The following CABIN1 variants were observed in gnomAD, a reference collection of about 807,000 sequenced individuals.
CABIN1 encodes calcineurin-binding protein cabin-1.
A neutral mutation model predicts 227.7 loss-of-function variants in CABIN1; 133 were observed. The ratio of observed to expected loss-of-function variants is 0.58; its 90% CI spans 0.51 to 0.67. The LOEUF is 0.67. CABIN1 is among the 30% of genes least tolerant of loss of function. The pLI, the probability that CABIN1 is intolerant of heterozygous loss-of-function variation, is 0.00. For synonymous variants in CABIN1, 1,086 were observed against 1,155.1 expected, an observed-to-expected ratio of 0.94 and a Z score of 1.21; for missense variants, 2,408 against 2,852.5, an observed-to-expected ratio of 0.84 and a Z score of 3.55.
At chr22:24,061,005 A>T (rs1429393061) in intron 12 of CABIN1, among the ~76,000 whole-genome samples, 1 of 152,058 alleles carries the variant, frequency 6.6e-6, no homozygotes, top group Non-Finnish European at 1.5e-5. Context: ...CTGGTCTGGA[A>T]CTCCTGGGCT....
At chr22:24,094,518 G>A (rs758401935) in intron 24 of CABIN1, among the ~76,000 whole-genome samples, 1 of 152,210 alleles carries the variant, frequency 6.6e-6, no homozygotes, top group Admixed American at 6.5e-5. Flanking sequence ...TATATCTTGT[G>A]TTAAAAATGA....
chr22:24,178,207 C>T lies in CABIN1; in HGVS notation c.*11C>T, dbSNP rs745478463. Reference sequence around the variant, plus strand: ...TACATGGACATTTGAGGGGCCACTGCAGCCCCACCGCCACGCCCCAGGGGA... The same window carrying T: ...TACATGGACATTTGAGGGGCCACTGTAGCCCCACCGCCACGCCCCAGGGGA... On this transcript the variant is annotated 3_prime_UTR_variant, in exon 37 of 37. Transcript: ENST00000263119. The T allele has an allele frequency of 4.3e-6, 7 of 1,612,344 alleles. No individual in the cohort carries two copies. The highest frequency in any genetic ancestry group is 1.1e-5 in the South Asian group (1 of 91,078).
At chr22:24,098,404 C>G in intron 26 of CABIN1, 1 of 1,044,490 alleles carries the variant, frequency 9.6e-7, no homozygotes, top group Non-Finnish European at 1.4e-6. Context: ...TGCCAGCTTG[C>G]CCACCTGGGA....
chr22:24,103,785 C>A (rs2042349125), intron 26 of CABIN1, among the ~76,000 whole-genome samples: 1 of 152,114 alleles, frequency 6.6e-6, no homozygotes, highest in African/African-American at 2.4e-5. Context: ...TGTTGTGTGC[C>A]AGGCATGGAA....
At chr22:24,075,421 GTTT>G (rs2040371077) in intron 18 of CABIN1, among the ~76,000 whole-genome samples, 1 of 152,054 alleles carries the variant, frequency 6.6e-6, no homozygotes. Context: ...TTTTCCTCCT[GTTT>G]TACTCTTTTT....
intron 8 of CABIN1, among the ~76,000 whole-genome samples, chr22:24,051,796 G>T (rs1490587024): frequency 6.6e-6 from 1 of 152,062 alleles, no homozygotes; most frequent in East Asian, 1.9e-4. Context: ...TCATAGGGTT[G>T]TCATGATAAT....
At chr22:24,109,099 ATAAT>A (rs1569227893) in intron 26 of CABIN1, among the ~76,000 whole-genome samples, 1 of 152,216 alleles carries the variant, frequency 6.6e-6, no homozygotes, top group Non-Finnish European at 1.5e-5. Context: ...TGAAGTATAA[ATAAT>A]TATGGCATTT....
intron 8 of CABIN1, among the ~76,000 whole-genome samples, chr22:24,053,458 A>G (rs1325637030): frequency 2.0e-5 from 3 of 151,638 alleles, no homozygotes; most frequent in Non-Finnish European, 4.4e-5. Context: ...GCTCACTGCA[A>G]CCTCCACCTC....
chr22:24,036,954 G>T (rs926504725), intron 3 of CABIN1, among the ~76,000 whole-genome samples: 2 of 152,084 alleles, frequency 1.3e-5, no homozygotes, highest in African/African-American at 4.8e-5. Context: ...TGGCAGAGTG[G>T]TGAGTAGAAA....
In CABIN1 at chr22:24,134,291, T is replaced by C. The variant is rs1172719762; in HGVS notation, c.4633-11T>C. ...ACACACTCACTTTCAACCTACTTCT[T>C]GTTTCCCCAGAACCTCCAGTGGGCC... On this transcript the variant is annotated splice_polypyrimidine_tract_variant and intron_variant, in intron 28 of 36. Coordinates refer to ENST00000263119, the MANE Select transcript of CABIN1 (RefSeq NM_012295.4). The C allele has an allele frequency of 6.2e-7, 1 of 1,610,670 alleles. No homozygotes were observed. Among genetic ancestry groups the C allele is most frequent in the East Asian group, 2.2e-5 (1 of 44,760 alleles).
intron 7 of CABIN1, among the ~76,000 whole-genome samples, chr22:24,050,521 A>G (rs556701325): frequency 2.0e-5 from 3 of 152,312 alleles, no homozygotes; most frequent in Non-Finnish European, 4.4e-5. Flanking sequence ...TAATTGAGAG[A>G]AAGATTTTAT....
At chr22:24,062,101 A>C in intron 13 of CABIN1, 76 bp downstream of exon 13, 1 of 1,233,674 alleles carries the variant, frequency 8.1e-7, no homozygotes, top group South Asian at 1.2e-5. Flanking sequence ...GAGGCGGGAG[A>C]CTGAGTCATG....
chr22:24,096,689 A>G (rs1179661403), intron 25 of CABIN1, among the ~76,000 whole-genome samples: 2 of 152,150 alleles, frequency 1.3e-5, no homozygotes, highest in Non-Finnish European at 1.5e-5. Context: ...TCCTAGGGAG[A>G]AAGATGGGTT....
intron 24 of CABIN1, chr22:24,092,148 T>C (rs747722379): frequency 3.0e-5 from 13 of 436,902 alleles, no homozygotes; most frequent in Middle Eastern, 6.5e-4. Flanking sequence ...CTACATAGCA[T>C]CTCCCAGGCC....
chr22:24,105,770 C>T (rs1014613322), intron 26 of CABIN1, among the ~76,000 whole-genome samples: 8 of 152,224 alleles, frequency 5.3e-5, no homozygotes, highest in Non-Finnish European at 1.0e-4. Context: ...CACCCAAAAG[C>T]CCCTCCACAG....
intron 28 of CABIN1, among the ~76,000 whole-genome samples, chr22:24,126,488 G>A (rs181410225): frequency 6.7e-6 from 1 of 149,112 alleles, no homozygotes; most frequent in Non-Finnish European, 1.5e-5. Context: ...TCTGCTGGAA[G>A]CTGGTGTGAC....
chr22:24,170,242 C>T lies in CABIN1; in HGVS notation c.5758-1471C>T. ...GCCACTGTAGGGGCTAGCTGCCATC[C>T]TCTGGTTCTCTCCTCCCTTAAGCCC... On this transcript the variant is annotated intron_variant, in intron 33 of 36. Coordinates refer to ENST00000263119, the MANE Select transcript of CABIN1 (RefSeq NM_012295.4). 4 of 432,108 alleles carry T rather than the reference C, an allele frequency of 9.3e-6. No homozygotes were observed. In the Admixed American group the frequency reaches 9.9e-5, roughly 11 times the overall value. 26.8% of individuals were successfully genotyped at this position (432,108 alleles called of 1,614,324 possible).
chr22:24,172,117 C>T (rs2046850219), intron 34 of CABIN1, 122 bp downstream of exon 34: 1 of 1,265,196 alleles, frequency 7.9e-7, no homozygotes, highest in Non-Finnish European at 1.1e-6. Flanking sequence ...GTCGATCCCA[C>T]AGGGTGGCGG....
Position 24,062,034 on chromosome 22 carries a change from C to A in CABIN1, c.1696+9C>A. ...AGGCAGAAGCTCTGCAGGTAGGAGG[C>A]ATTATGTGTTCTGTGGCCAGGCTAA... is the stretch of plus-strand genomic sequence containing the variant. On this transcript the variant is annotated intron_variant, in intron 13 of 36. Coordinates refer to ENST00000263119, the MANE Select transcript of CABIN1 (RefSeq NM_012295.4). 4 of 1,610,422 alleles carry A rather than the reference C, an allele frequency of 2.5e-6. No individual in the cohort carries two copies. The highest frequency in any genetic ancestry group is 3.4e-6 in the Non-Finnish European group (4 of 1,177,084).
Sources: gnomAD v4.1 joint callset for allele counts (sites outside exome capture counted in the v4.1 genomes callset) on GRCh38, gnomAD v4.1.1 for gene constraint, MANE v1.5 for transcripts, NCBI Gene and HGNC (gene_info 2026-07-23, HGNC 2026-07-21) for gene names.